The following ADAMTSL1 variants were observed in gnomAD, a reference collection of about 807,000 sequenced individuals.
ADAMTSL1 encodes the protein ADAMTS like 1.
In ADAMTSL1, 126 loss-of-function variants were observed where a neutral mutation model predicts 201.8. The ratio of observed to expected loss-of-function variants is 0.62; its 90% confidence interval spans 0.54 to 0.72. The LOEUF (loss-of-function observed/expected upper bound fraction) is 0.72. ADAMTSL1 is among the 30% of genes least tolerant of loss of function. ADAMTSL1 has a pLI of 0.00. For synonymous variants in ADAMTSL1, 1,121 were observed against 903.4 expected (o/e 1.24, Z -4.32); for missense variants, 2,679 against 2,277.8 (o/e 1.18, Z -3.59).
intron 5 of ADAMTSL1, among the ~76,000 whole-genome samples, chr9:18,624,980 A>G (rs551359989): frequency 1.1e-4 from 16 of 152,286 alleles, no homozygotes; most frequent in Non-Finnish European, 2.1e-4. Context: ...CCTCACCACA[A>G]TCTATAGCAG....
chr9:18,392,798 A>G (rs1029758480), intron 2 of ADAMTSL1, among the ~76,000 whole-genome samples: 1 of 152,242 alleles, frequency 6.6e-6, no homozygotes, highest in African/African-American at 2.4e-5. Context: ...ATTATGAGCC[A>G]GAGTGAGAAA....
intron 2 of ADAMTSL1, among the ~76,000 whole-genome samples, chr9:18,172,585 G>C (rs141244149): frequency 6.6e-6 from 1 of 151,886 alleles, no homozygotes; most frequent in Non-Finnish European, 1.5e-5. Flanking sequence ...GTGTCTATAA[G>C]GTTGAATATA....
rs546524695 is a variant in ADAMTSL1, at chr9:18,870,596, C to T, written c.4250-17235C>T. Among the ~76,000 whole-genome samples, 8 of 152,096 alleles carry T rather than the reference C, an allele frequency of 5.3e-5. No homozygotes were observed. In the East Asian group the frequency reaches 1.5e-3, roughly 29 times the overall value. ...AAACTTACATGCTGTCTTAACAGCC[C>T]CCAGACTCTGACCTCTGAAATCACA... On this transcript the variant is annotated intron_variant, in intron 23 of 28. Coordinates refer to ENST00000380548, the MANE Select transcript of ADAMTSL1 (RefSeq NM_001040272.6).
At chr9:18,836,922 A>G (rs997234812) in intron 23 of ADAMTSL1, among the ~76,000 whole-genome samples, 2 of 152,130 alleles carry the variant, frequency 1.3e-5, no homozygotes, top group African/African-American at 4.8e-5. Context: ...AAGGTTATTG[A>G]CATATAGAAA....
intron 2 of ADAMTSL1, among the ~76,000 whole-genome samples, chr9:18,529,954 T>G (rs1235422121): frequency 6.6e-6 from 1 of 152,212 alleles, no homozygotes; most frequent in Non-Finnish European, 1.5e-5. Flanking sequence ...TAATAAGTAT[T>G]TAAATCCATC....
intron 1 of ADAMTSL1, among the ~76,000 whole-genome samples, chr9:17,996,785 C>A (rs1057136467): frequency 6.6e-6 from 1 of 152,160 alleles, no homozygotes; most frequent in East Asian, 1.9e-4. Flanking sequence ...ACCACCACCC[C>A]CTTTTGCATT....
intron 21 of ADAMTSL1, among the ~76,000 whole-genome samples, chr9:18,824,063 G>A (rs540863572): frequency 6.6e-6 from 1 of 151,584 alleles, no homozygotes; most frequent in African/African-American, 2.4e-5. Flanking sequence ...GAAGGAAGGG[G>A]AAGGAAAAGA....
At position 18,865,916 on chromosome 9, in the gene ADAMTSL1, C is replaced by A. The variant is rs1827501541; in HGVS notation, c.4250-21915C>A. Among the ~76,000 whole-genome samples the A allele has an allele frequency of 2.6e-5, 4 of 151,946 alleles. No individual in the cohort carries two copies. The South Asian group carries it at 8.3e-4, about 32-fold the overall frequency. On this transcript the variant is annotated intron_variant, in intron 23 of 28. Transcript: ENST00000380548. ...TCTTTCCTGGGGTGGAAATGCTCCG[C>A]ATATACGTAGCTGGGAGGGAAACAG...
At chr9:18,800,481 G>A (rs912418265) in intron 20 of ADAMTSL1, among the ~76,000 whole-genome samples, 2 of 150,218 alleles carry the variant, frequency 1.3e-5, no homozygotes, top group Admixed American at 6.6e-5. Flanking sequence ...CCATCAAGGA[G>A]ATTTCAATAT....
intron 1 of ADAMTSL1, among the ~76,000 whole-genome samples, chr9:18,147,118 C>G (rs181426305): frequency 9.9e-5 from 15 of 152,174 alleles, no homozygotes; most frequent in African/African-American, 3.6e-4. Flanking sequence ...TATTCAAATT[C>G]CAATTCTACC....
At chr9:17,909,376 T>G (rs895940778) in intron 1 of ADAMTSL1, among the ~76,000 whole-genome samples, 1 of 146,862 alleles carries the variant, frequency 6.8e-6, no homozygotes, top group Non-Finnish European at 1.5e-5. Flanking sequence ...TTTTGGTGTT[T>G]TATACATGAA....
chr9:18,618,076 C>G (rs1443541334), intron 4 of ADAMTSL1, among the ~76,000 whole-genome samples: 2 of 152,288 alleles, frequency 1.3e-5, no homozygotes, highest in East Asian at 3.9e-4. Context: ...TGACATTTCT[C>G]TAATAATTAA....
At chr9:18,429,523 A>T (rs1401897246) in intron 2 of ADAMTSL1, among the ~76,000 whole-genome samples, 1 of 152,156 alleles carries the variant, frequency 6.6e-6, no homozygotes, top group Non-Finnish European at 1.5e-5. Flanking sequence ...TTGCTTCTCC[A>T]GTTGCTAATT....
chr9:18,731,462 C>G (rs1214750328), intron 15 of ADAMTSL1, among the ~76,000 whole-genome samples: 1 of 151,802 alleles, frequency 6.6e-6, no homozygotes, highest in Non-Finnish European at 1.5e-5. Flanking sequence ...GAAACCCTGT[C>G]TCTACAAAAA....
intron 1 of ADAMTSL1, among the ~76,000 whole-genome samples, chr9:18,482,641 C>A (rs1198146808): frequency 2.6e-5 from 4 of 152,160 alleles, no homozygotes; most frequent in African/African-American, 9.7e-5. Flanking sequence ...AATAAATATA[C>A]CTCACTTTGT....
At chr9:18,321,028 T>A (rs1264152533) in intron 2 of ADAMTSL1, among the ~76,000 whole-genome samples, 1 of 152,086 alleles carries the variant, frequency 6.6e-6, no homozygotes, top group Admixed American at 6.5e-5. Flanking sequence ...ACAGAATGAA[T>A]TAAACAGTAA....
chr9:18,582,859 AAAAT>A (rs757688615), intron 4 of ADAMTSL1, among the ~76,000 whole-genome samples: 214 of 145,026 alleles, frequency 1.5e-3, no homozygotes, highest in Middle Eastern at 3.5e-3. Context: ...AAAATAAAAT[AAAAT>A]AAATAAAATA....
intron 3 of ADAMTSL1, among the ~76,000 whole-genome samples, chr9:18,541,337 C>A (rs924777474): frequency 4.6e-5 from 7 of 152,074 alleles, no homozygotes; most frequent in Admixed American, 1.3e-4. Flanking sequence ...TGGTGAAACA[C>A]CGTCTCTACT....
chr9:18,829,974 C>A lies in ADAMTSL1; in HGVS notation c.4246C>A (p.Leu1416Ile), dbSNP rs1448107731. Residue 1416 changes from leucine to isoleucine, a missense_variant, in exon 23 of 29, where the codon CTT (leucine) becomes ATT (isoleucine). By Grantham distance (5) the Leu-to-Ile change is conservative. Coordinates refer to ENST00000380548, the MANE Select transcript of ADAMTSL1 (RefSeq NM_001040272.6). ...CCTGGATCCTGGGAATTCTGCTCTCCTTGGTGAGTCTAACCCTCGGAAACA... is the reference window on the plus strand; with the variant it reads ...CCTGGATCCTGGGAATTCTGCTCTCATTGGTGAGTCTAACCCTCGGAAACA... The part of the protein sequence containing the change: ...LVLDPGNSAL[L>I]GCPIKGHPVP... 8.1e-6 allele frequency: 13 copies of A among 1,608,068 alleles called. No individual in the cohort carries two copies. In the African/African-American group the frequency reaches 1.5e-4, roughly 18 times the overall value.
Sources: gnomAD v4.1 joint callset for allele counts (sites outside exome capture counted in the v4.1 genomes callset) on GRCh38, gnomAD v4.1.1 for gene constraint, MANE v1.5 for transcripts, NCBI Gene and HGNC (gene_info 2026-07-23, HGNC 2026-07-21) for gene names.